GNA14: variants seen among roughly 807,000 people sequenced by gnomAD.
GNA14 encodes the protein G protein subunit alpha 14, also known as guanine nucleotide-binding protein subunit alpha-14.
GNA14 carries 50 observed loss-of-function variants against 42.0 expected under a neutral mutation model. The ratio of observed to expected loss-of-function variants is 1.19; its 90% confidence interval spans 0.95 to 1.51. The LOEUF (loss-of-function observed/expected upper bound fraction) is 1.51, where lower values mean the gene tolerates loss of function less well. Ranked by LOEUF, GNA14 falls within the 40% of genes most tolerant of loss-of-function variation. The pLI is 0.00. For synonymous variants in GNA14, 173 were observed against 163.1 expected (o/e 1.06, Z -0.46); for missense variants, 473 against 446.2 (o/e 1.06, Z -0.54).
intron 2 of GNA14, among the ~76,000 whole-genome samples, chr9:77,440,693 C>A (rs1329909035): frequency 6.6e-6 from 1 of 151,992 alleles, no homozygotes; most frequent in African/African-American, 2.4e-5. Context: ...CACTTAAAAT[C>A]TACTCCCTTA....
At chr9:77,618,819 G>A (rs1383633018) in intron 1 of GNA14, among the ~76,000 whole-genome samples, 1 of 147,952 alleles carries the variant, frequency 6.8e-6, no homozygotes, top group Non-Finnish European at 1.5e-5. Context: ...ATTTTTAGTA[G>A]AGACGGGGTT....
chr9:77,426,550 C>T (rs1835457050), intron 5 of GNA14, among the ~76,000 whole-genome samples: 1 of 152,106 alleles, frequency 6.6e-6, no homozygotes, highest in African/African-American at 2.4e-5. Flanking sequence ...GCGATCCGCC[C>T]GCCTCGGCCT....
rs560582041 is a variant in GNA14 at position 77,529,315 on chromosome 9, C to T, written c.125-62G>A. On this transcript the variant is annotated intron_variant, in intron 1 of 6. Transcript: ENST00000341700. ...ACTTCCAAAGGAACACACGAAGAAACAGAGGACCTCCTGGCAGTATTAATC... is the reference window on the plus strand; with the variant it reads ...ACTTCCAAAGGAACACACGAAGAAATAGAGGACCTCCTGGCAGTATTAATC... 3.2e-6 allele frequency: 4 copies of T among 1,256,018 alleles called. No individual in the cohort carries two copies. The East Asian group carries it at 7.0e-5, about 22-fold the overall frequency. 77.8% of individuals were successfully genotyped at this position (1,256,018 alleles called of 1,614,324 possible). A position where few individuals can be genotyped will look rare whatever the true frequency, so the allele number is the denominator to read the frequency against.
intron 1 of GNA14, among the ~76,000 whole-genome samples, chr9:77,583,355 G>A (rs749167289): frequency 5.3e-5 from 8 of 152,148 alleles, no homozygotes; most frequent in Non-Finnish European, 8.8e-5. Context: ...CAAGCAGCTG[G>A]GAAATGTGGA....
intron 1 of GNA14, among the ~76,000 whole-genome samples, chr9:77,533,545 A>C (rs1837557596): frequency 6.6e-6 from 1 of 152,202 alleles, no homozygotes; most frequent in East Asian, 1.9e-4. Context: ...TTGTCATAAA[A>C]TCAGCGGCAA....
chr9:77,430,962 A>G (rs1267923781), intron 4 of GNA14, among the ~76,000 whole-genome samples: 1 of 151,938 alleles, frequency 6.6e-6, no homozygotes, highest in Non-Finnish European at 1.5e-5. Flanking sequence ...AATATGATTC[A>G]TCTTTAAGGA....
intron 2 of GNA14, among the ~76,000 whole-genome samples, chr9:77,516,008 G>A (rs1837252595): frequency 7.2e-6 from 1 of 138,922 alleles, no homozygotes; most frequent in South Asian, 2.4e-4. Context: ...AGACAGCCAT[G>A]TAACAGAGTT....
intron 2 of GNA14, among the ~76,000 whole-genome samples, chr9:77,494,524 G>T (rs2131738771): frequency 6.6e-6 from 1 of 152,168 alleles, no homozygotes. Flanking sequence ...GTGTATTAAG[G>T]GTACTGAAGT....
chr9:77,554,114 A>G (rs906300189), intron 1 of GNA14, among the ~76,000 whole-genome samples: 1 of 152,152 alleles, frequency 6.6e-6, no homozygotes, highest in Non-Finnish European at 1.5e-5. Context: ...CTCACCATGA[A>G]CAGGCTCTCA....
At chr9:77,438,342 A>C (rs1449263483) in intron 2 of GNA14, among the ~76,000 whole-genome samples, 1 of 151,872 alleles carries the variant, frequency 6.6e-6, no homozygotes, top group Non-Finnish European at 1.5e-5. Context: ...TCTCAGCTCA[A>C]TGCAATCTCC....
At chr9:77,475,804 G>C (rs1274399249) in intron 2 of GNA14, among the ~76,000 whole-genome samples, 1 of 152,178 alleles carries the variant, frequency 6.6e-6, no homozygotes, top group East Asian at 1.9e-4. Context: ...TTGTTCAACA[G>C]ACATATCTGG....
At chr9:77,525,995 A>G (rs532207797) in intron 2 of GNA14, among the ~76,000 whole-genome samples, 1 of 150,664 alleles carries the variant, frequency 6.6e-6, no homozygotes, top group Non-Finnish European at 1.5e-5. Context: ...TCCACCTCAC[A>G]GACTCAATGG....
In GNA14 at chr9:77,424,046, C is replaced by T. The variant is rs767780053; in HGVS notation, c.1001G>A (p.Arg334His). The change falls in exon 7 of 7, where the codon CGC becomes CAC. Residue 334 changes from arginine (R) to histidine (H), a missense_variant. Coordinates refer to ENST00000341700, the MANE Select transcript of GNA14 (RefSeq NM_004297.4). ...GTCTTTGACAGCAGCAAACACAAAG[C>T]GAATATTGTCTGTATCTGTAGCACA... ...FTCATDTDNI[R>H]FVFAAVKDTI... 14 of 1,610,556 alleles carry T rather than the reference C, an allele frequency of 8.7e-6. No homozygotes were observed. In the African/African-American group the frequency reaches 9.4e-5, roughly 11 times the overall value.
chr9:77,633,054 C>T (rs1193069021), intron 1 of GNA14, among the ~76,000 whole-genome samples: 1 of 152,140 alleles, frequency 6.6e-6, no homozygotes, highest in African/African-American at 2.4e-5. Flanking sequence ...AACACCCAGG[C>T]ACTATACAAG....
chr9:77,564,798 A>C (rs1587831707), intron 1 of GNA14, among the ~76,000 whole-genome samples: 1 of 151,582 alleles, frequency 6.6e-6, no homozygotes, highest in South Asian at 2.1e-4. Context: ...GTACCACTGC[A>C]CTCCAGCCTG....
intron 2 of GNA14, among the ~76,000 whole-genome samples, chr9:77,440,776 C>T (rs956824356): frequency 6.6e-6 from 1 of 152,016 alleles, no homozygotes; most frequent in African/African-American, 2.4e-5. Context: ...AGTGCAGTGG[C>T]GCAATCTCGG....
chr9:77,515,161 G>C (rs1176637367), intron 2 of GNA14, among the ~76,000 whole-genome samples: 2 of 152,158 alleles, frequency 1.3e-5, no homozygotes, highest in Non-Finnish European at 2.9e-5. Context: ...TTTGCCCCAG[G>C]AATGAGTTCT....
At chr9:77,517,034 G>C (rs1837269425) in intron 2 of GNA14, among the ~76,000 whole-genome samples, 1 of 152,192 alleles carries the variant, frequency 6.6e-6, no homozygotes, top group South Asian at 2.1e-4. Flanking sequence ...TTCTCTGCTA[G>C]TGAGAGAGTG....
intron 2 of GNA14, among the ~76,000 whole-genome samples, chr9:77,511,460 G>A (rs1016952852): frequency 1.3e-5 from 2 of 152,300 alleles, no homozygotes; most frequent in South Asian, 2.1e-4. Context: ...TGGAGAATGG[G>A]AAGCGTAACA....
Sources: gnomAD v4.1 joint callset for allele counts (sites outside exome capture counted in the v4.1 genomes callset) on GRCh38, gnomAD v4.1.1 for gene constraint, MANE v1.5 for transcripts, NCBI Gene and HGNC (gene_info 2026-07-23, HGNC 2026-07-21) for gene names.